The following KIR3DL2 variants were observed in gnomAD, a reference collection of about 807,000 sequenced individuals.
KIR3DL2 encodes killer cell immunoglobulin like receptor, three Ig domains and long cytoplasmic tail 2.
KIR3DL2 carries 42 observed loss-of-function variants against 41.6 expected under a neutral mutation model. That is an observed-to-expected ratio of 1.01 (90% CI 0.79 to 1.31). The LOEUF is 1.31. Ranked by LOEUF, KIR3DL2 falls within the 50% of genes most tolerant of loss-of-function variation. The probability of loss-of-function intolerance (pLI) is 0.00; values close to 1 mark genes in which losing one functional copy is unlikely to be tolerated. For synonymous variants in KIR3DL2, 230 were observed against 221.3 expected (o/e 1.04, Z -0.35); for missense variants, 728 against 576.8 (o/e 1.26, Z -2.68).
intron 4 of KIR3DL2, among the ~76,000 whole-genome samples, chr19:54,854,526 C>G (rs1046114868): frequency 1.5e-4 from 23 of 151,726 alleles, no homozygotes; most frequent in Non-Finnish European, 2.6e-4. Context: ...TGCAGTGGAG[C>G]CATAATTATC....
chr19:54,861,385 G>T (rs1167605714), intron 6 of KIR3DL2, among the ~76,000 whole-genome samples: 1 of 152,078 alleles, frequency 6.6e-6, no homozygotes, highest in Non-Finnish European at 1.5e-5. Context: ...GGTGGCTCAC[G>T]CCTGTAACCC....
intron 5 of KIR3DL2, among the ~76,000 whole-genome samples, chr19:54,856,955 G>A (rs2064830913): frequency 6.6e-6 from 1 of 152,132 alleles, no homozygotes; most frequent in Non-Finnish European, 1.5e-5. Context: ...CAGGTAGGTT[G>A]ACTCCACATC....
At position 54,853,769 on chromosome 19, in the gene KIR3DL2, C is replaced by T; in HGVS notation, c.378C>T (p.Leu126=). The T allele has an allele frequency of 1.2e-6, 2 of 1,611,070 alleles. No homozygotes were observed. The highest frequency in any genetic ancestry group is 1.7e-5 in the Admixed American group (1 of 59,942). ...MVTGNHRKPS[L]LAHPGPLLKS... ...TAGGAAACCACAGAAAACCTTCCCT[C>T]CTGGCCCACCCAGGGCCCCTGCTGA... Residue 126 remains leucine, a synonymous_variant, in exon 4 of 9, where the codon CTC becomes CTT. Coordinates refer to ENST00000326321, the MANE Select transcript of KIR3DL2 (RefSeq NM_006737.4).
intron 6 of KIR3DL2, among the ~76,000 whole-genome samples, chr19:54,863,425 C>T (rs1173579112): frequency 6.6e-6 from 1 of 152,068 alleles, no homozygotes; most frequent in Non-Finnish European, 1.5e-5. Flanking sequence ...CCTGAGGAAT[C>T]GCCACACTGA....
At chr19:54,850,542 GTGGGGATGGAGATC>G in intron 1 of KIR3DL2, 33 bp downstream of exon 1, 1 of 1,608,052 alleles carries the variant, frequency 6.2e-7, no homozygotes, top group Non-Finnish European at 8.5e-7. Context: ...GGGAGGGAGA[GTGGGGATGGAGATC>G]TCGGCCTAGA....
chr19:54,859,986 C>A (rs575389398), intron 6 of KIR3DL2, among the ~76,000 whole-genome samples: 1 of 151,978 alleles, frequency 6.6e-6, no homozygotes, highest in East Asian at 1.9e-4. Flanking sequence ...GCTGCTCTCC[C>A]TTCTTGCCCT....
chr19:54,855,508 G>A (rs1211339981), intron 4 of KIR3DL2, 111 bp from the exon 5 acceptor site: 2 of 1,451,354 alleles, frequency 1.4e-6, no homozygotes, highest in South Asian at 1.3e-5. Flanking sequence ...GAGGGTGAGA[G>A]AGAGAGAGAG....
At chr19:54,852,728 C>A (rs1390717061) in intron 3 of KIR3DL2, among the ~76,000 whole-genome samples, 3 of 150,618 alleles carry the variant, frequency 2.0e-5, no homozygotes, top group African/African-American at 7.4e-5. Flanking sequence ...ATGCAGGTGG[C>A]CTCTAAGGGC....
intron 6 of KIR3DL2, among the ~76,000 whole-genome samples, chr19:54,865,530 G>A (rs775633020): frequency 1.3e-5 from 2 of 152,050 alleles, no homozygotes; most frequent in Non-Finnish European, 2.9e-5. Context: ...CCTTCCCATA[G>A]GCCCAAACTT....
intron 6 of KIR3DL2, among the ~76,000 whole-genome samples, chr19:54,859,982 C>A (rs748444192): frequency 1.6e-4 from 25 of 152,002 alleles, no homozygotes; most frequent in Admixed American, 3.3e-4. Context: ...GAATGCTGCT[C>A]TCCCTTCTTG....
chr19:54,861,860 C>T (rs1315339965), intron 6 of KIR3DL2, among the ~76,000 whole-genome samples: 1 of 151,784 alleles, frequency 6.6e-6, no homozygotes, highest in Non-Finnish European at 1.5e-5. Flanking sequence ...AACCCACCAG[C>T]ACAGGCCCTG....
chr19:54,852,271 T>A lies in KIR3DL2; in HGVS notation c.344T>A (p.Ile115Asn). 6.2e-7 allele frequency: 1 copy of A among 1,607,718 alleles called. No individual in the cohort carries two copies. The highest frequency in any genetic ancestry group is 8.5e-7 in the Non-Finnish European group (1 of 1,177,124). Residue 115 changes from isoleucine (I) to asparagine (N), a missense_variant, in exon 3 of 9, where the codon ATC becomes AAC. Coordinates refer to ENST00000326321, the MANE Select transcript of KIR3DL2 (RefSeq NM_006737.4). ...TCGGCACCCAGCAACCCCCTGGTGATCATGGTCACAGGTCAGAGGCTTTCT... is the reference window on the plus strand; with the variant it reads ...TCGGCACCCAGCAACCCCCTGGTGAACATGGTCACAGGTCAGAGGCTTTCT... ...GWSAPSNPLVIMVTGNHRKPS... is the reference protein window; with the variant it reads ...GWSAPSNPLVNMVTGNHRKPS...
At chr19:54,865,976 G>A in intron 7 of KIR3DL2, 67 bp downstream of exon 7, 1 of 1,404,644 alleles carries the variant, frequency 7.1e-7, no homozygotes, top group Non-Finnish European at 1.0e-6. Flanking sequence ...GGAGCACGCG[G>A]GTGTGTGTTC....
chr19:54,852,960 G>A (rs1181830351), intron 3 of KIR3DL2, among the ~76,000 whole-genome samples: 1 of 149,118 alleles, frequency 6.7e-6, no homozygotes, highest in Non-Finnish European at 1.5e-5. Flanking sequence ...AACCAAACAA[G>A]GATAGCCAGG....
chr19:54,866,650 G>A lies in KIR3DL2; in HGVS notation c.1287G>A (p.Thr429=), dbSNP rs190401211. 1.4e-5 allele frequency: 23 copies of A among 1,613,806 alleles called. No individual in the cohort carries two copies. The highest frequency in any genetic ancestry group is 1.4e-5 in the Non-Finnish European group (17 of 1,179,958). ...CCCTAACAGATACCAGCGTGTACACGGAACTTCCAAATGCTGAGCCCAGAT... is the reference window on the plus strand; with the variant it reads ...CCCTAACAGATACCAGCGTGTACACAGAACTTCCAAATGCTGAGCCCAGAT... The part of the protein sequence containing the change: ...KTPLTDTSVY[T]ELPNAEPRSK... The change falls in exon 9 of 9, where the codon ACG becomes ACA. Residue 429 remains threonine (T), a synonymous_variant. Transcript: ENST00000326321.
intron 6 of KIR3DL2, among the ~76,000 whole-genome samples, chr19:54,861,438 G>A (rs368664281): frequency 7.0e-6 from 1 of 143,030 alleles, no homozygotes; most frequent in Admixed American, 6.9e-5. Context: ...ATGAAGTCAG[G>A]AGTTCGAGAC....
At chr19:54,866,237 T>C (rs1256888737) in intron 7 of KIR3DL2, 133 bp from the exon 8 acceptor site, 24 of 860,414 alleles carry the variant, frequency 2.8e-5, no homozygotes, top group Admixed American at 1.4e-4. Context: ...AGAGATAGAA[T>C]GTCTGAGTCT....
intron 5 of KIR3DL2, among the ~76,000 whole-genome samples, chr19:54,857,046 T>C (rs1188568157): frequency 2.0e-5 from 3 of 151,946 alleles, no homozygotes; most frequent in African/African-American, 7.3e-5. Flanking sequence ...CCTTTGGATA[T>C]AAACCCAGTA....
chr19:54,851,221 G>C lies in KIR3DL2; in HGVS notation c.36G>C (p.Gly12=). The change falls in exon 2 of 9, where the codon GGG becomes GGC. Residue 12 remains glycine, a splice_region_variant and synonymous_variant. Coordinates refer to ENST00000326321, the MANE Select transcript of KIR3DL2 (RefSeq NM_006737.4). ...SLTVVSMACV[G]FFLLQGAWPL... ...GTCTATCATGATCTTTCTTTCCAGG[G>C]TTCTTCTTGCTGCAGGGGGCCTGGC... 3.1e-6 allele frequency: 5 copies of C among 1,610,688 alleles called. No homozygotes were observed. The highest frequency in any genetic ancestry group is 3.4e-6 in the Non-Finnish European group (4 of 1,178,638).
Sources: gnomAD v4.1 joint callset for allele counts (sites outside exome capture counted in the v4.1 genomes callset) on GRCh38, gnomAD v4.1.1 for gene constraint, MANE v1.5 for transcripts, NCBI Gene and HGNC (gene_info 2026-07-23, HGNC 2026-07-21) for gene names.